Variants in ZNF667 observed in about 807,000 individuals in gnomAD.
ZNF667 encodes the protein myocardial ischemic preconditioning upregulated 1 ortholog.
Under a neutral mutation model 31.8 loss-of-function variants are expected in ZNF667, and 13 were observed. The ratio of observed to expected loss-of-function variants is 0.41; its 90% CI spans 0.27 to 0.65. ZNF667 has a LOEUF of 0.65. Ranked by LOEUF, ZNF667 falls within the 30% of genes least tolerant of loss-of-function variation. ZNF667 has a pLI of 0.32. For missense variants in ZNF667, 642 were observed against 725.6 expected, an observed-to-expected ratio of 0.88 and a Z score of 1.32; for synonymous variants, 228 against 247.1, an observed-to-expected ratio of 0.92 and a Z score of 0.73.
At chr19:56,465,284 G>A (rs1454983197) in intron 3 of ZNF667, among the ~76,000 whole-genome samples, 1 of 152,322 alleles carries the variant, frequency 6.6e-6, no homozygotes, top group Admixed American at 6.5e-5. Context: ...TCCCCGTAGG[G>A]GTGGAGGTAG....
chr19:56,454,108 C>T (rs947009864), intron 6 of ZNF667, among the ~76,000 whole-genome samples: 11 of 152,114 alleles, frequency 7.2e-5, no homozygotes, highest in Middle Eastern at 3.4e-3. Context: ...AAATAAAATA[C>T]CTAGGAATAA....
chr19:56,442,603 A>G lies in ZNF667; in HGVS notation c.392T>C (p.Leu131Pro). The stretch of plus-strand genomic sequence containing the variant: ...TGAATGCCCTTTCTTAGGTTTTACT[A>G]GGACTGAATTTTTGTTGCAGCCACT... ...RKSGCNKNSV[L>P]VKPKKGHSGK... is the part of the protein sequence containing the mutation. Residue 131 changes from leucine (L) to proline (P), a missense_variant, in exon 7 of 7, where the codon CTA (leucine) becomes CCA (proline). Coordinates refer to ENST00000504904, the MANE Select transcript of ZNF667 (RefSeq NM_001321356.2). 6.2e-7 allele frequency: 1 copy of G among 1,614,074 alleles called. No homozygotes were observed. The highest frequency in any genetic ancestry group is 1.3e-5 in the African/African-American group (1 of 75,048).
Position 56,442,234 on chromosome 19 carries a change from T to C in ZNF667, c.761A>G (p.Gln254Arg). ...QKIHVVGNVCQCRKCGKAFNQ... is the reference protein window; with the variant it reads ...QKIHVVGNVCRCRKCGKAFNQ... The stretch of plus-strand genomic sequence containing the variant: ...GAAGGCTTTTCCGCACTTTCTGCAC[T>C]GGCAGACATTCCCAACAACATGAAT... The change falls in exon 7 of 7, where the codon CAG becomes CGG. Residue 254 changes from glutamine to arginine, a missense_variant. Physicochemically the swap from Gln to Arg is conservative, Grantham distance 43. Transcript: ENST00000504904. 4 of 1,614,198 alleles carry C rather than the reference T, an allele frequency of 2.5e-6. No homozygotes were observed. The highest frequency in any genetic ancestry group is 1.1e-5 in the South Asian group (1 of 91,082).
intron 6 of ZNF667, among the ~76,000 whole-genome samples, chr19:56,454,150 A>T (rs2042888117): frequency 6.6e-6 from 1 of 152,140 alleles, no homozygotes; most frequent in Non-Finnish European, 1.5e-5. Flanking sequence ...TACAATGAAA[A>T]CTACAAAACC....
chr19:56,465,947 C>A (rs1600449200), intron 3 of ZNF667, among the ~76,000 whole-genome samples: 1 of 152,224 alleles, frequency 6.6e-6, no homozygotes, highest in East Asian at 1.9e-4. Flanking sequence ...TTATGTTGAA[C>A]CCCTGCTTTC....
chr19:56,443,773 A>G (rs535083929), intron 6 of ZNF667, among the ~76,000 whole-genome samples: 58 of 152,332 alleles, frequency 3.8e-4, no homozygotes, highest in South Asian at 6.2e-4. Context: ...TTAGACTAAA[A>G]GAAGGAATCT....
chr19:56,457,882 AATGAG>A (rs1240220708), intron 6 of ZNF667, among the ~76,000 whole-genome samples: 4 of 152,194 alleles, frequency 2.6e-5, no homozygotes, highest in Admixed American at 2.6e-4. Context: ...AGCCCTCATG[AATGAG>A]ATATCATCTA....
At chr19:56,470,627 C>T (rs893650898) in intron 3 of ZNF667, among the ~76,000 whole-genome samples, 3 of 152,116 alleles carry the variant, frequency 2.0e-5, no homozygotes, top group African/African-American at 7.2e-5. Context: ...CGGGAGGCAT[C>T]GGTGTGGTGA....
At chr19:56,472,364 C>T (rs181618155) in intron 2 of ZNF667, 177 bp from the exon 3 acceptor site, 48 of 152,334 alleles carry the variant, frequency 3.2e-4, no homozygotes, top group African/African-American at 1.2e-3. Context: ...TCTTCGGTAA[C>T]TGGAACATGG....
chr19:56,457,712 C>A (rs2042962869), intron 6 of ZNF667, among the ~76,000 whole-genome samples: 1 of 152,132 alleles, frequency 6.6e-6, no homozygotes, highest in African/African-American at 2.4e-5. Context: ...AAGAGATTGC[C>A]CCCTCACAAT....
At chr19:56,460,918 G>T (rs1023842132) in intron 4 of ZNF667, 103 bp from the exon 5 acceptor site, 2 of 1,238,244 alleles carry the variant, frequency 1.6e-6, no homozygotes, top group Non-Finnish European at 2.1e-6. Flanking sequence ...AAGGTACCAA[G>T]AATCATTCAG....
chr19:56,447,860 G>A (rs946861429), intron 6 of ZNF667, among the ~76,000 whole-genome samples: 3 of 152,140 alleles, frequency 2.0e-5, no homozygotes, highest in Non-Finnish European at 4.4e-5. Flanking sequence ...CAGCCTAGGT[G>A]ACAGAGGGAG....
At chr19:56,467,501 G>A (rs1380269609) in intron 3 of ZNF667, among the ~76,000 whole-genome samples, 1 of 152,154 alleles carries the variant, frequency 6.6e-6, no homozygotes. Context: ...CCAGCTGGGT[G>A]TCCTCCAACT....
chr19:56,466,276 C>G (rs2043157581), intron 3 of ZNF667, among the ~76,000 whole-genome samples: 1 of 152,112 alleles, frequency 6.6e-6, no homozygotes, highest in Non-Finnish European at 1.5e-5. Flanking sequence ...GGGAGGCCCT[C>G]GAGAATGCTG....
At chr19:56,460,546 G>A (rs994950946) in intron 5 of ZNF667, 143 bp downstream of exon 5, 2 of 857,782 alleles carry the variant, frequency 2.3e-6, no homozygotes, top group Non-Finnish European at 3.3e-6. Context: ...TTTTATGGGT[G>A]AATTGTATAG....
At position 56,441,742 on chromosome 19, in the gene ZNF667, T is replaced by G. The variant is rs1160480451; in HGVS notation, c.1253A>C (p.Lys418Thr). The G allele has an allele frequency of 6.2e-7, 1 of 1,614,198 alleles. No individual in the cohort carries two copies. Among genetic ancestry groups the G allele is most frequent in the Admixed American group, 1.7e-5 (1 of 60,020 alleles). The change falls in exon 7 of 7, where the codon AAG becomes ACG. Residue 418 changes from lysine to threonine, a missense_variant. By Grantham distance (78) the Lys-to-Thr change is moderately conservative (BLOSUM62 -1). Coordinates refer to ENST00000504904, the MANE Select transcript of ZNF667 (RefSeq NM_001321356.2). The surrounding 1 kb of genome is among the most constrained non-coding windows in gnomAD (Gnocchi z 4.2). ...TCCAGAAAACATCTTCCCACATTCC[T>G]TACACTCAAATAGTTTCTTTTTCTT... ...HTKKKKLFEC[K>T]ECGKMFSGTA... is the part of the protein sequence containing the mutation.
intron 6 of ZNF667, among the ~76,000 whole-genome samples, chr19:56,455,705 C>T (rs2147750415): frequency 6.6e-6 from 1 of 152,210 alleles, no homozygotes; most frequent in Admixed American, 6.5e-5. Flanking sequence ...TATTTGATAG[C>T]ACAACTGGGT....
chr19:56,459,205 C>T (rs1003519017), intron 5 of ZNF667, among the ~76,000 whole-genome samples: 1 of 152,120 alleles, frequency 6.6e-6, no homozygotes, highest in African/African-American at 2.4e-5. Flanking sequence ...TAAATTATAG[C>T]CAGTAGAGTT....
chr19:56,443,534 T>C (rs2042661843), intron 6 of ZNF667, among the ~76,000 whole-genome samples: 1 of 152,198 alleles, frequency 6.6e-6, no homozygotes, highest in Non-Finnish European at 1.5e-5. Context: ...TTGAATCCTG[T>C]AGGCAATTTT....
Sources: allele counts gnomAD v4.1 joint callset (sites outside exome capture counted in the v4.1 genomes callset), GRCh38; gene constraint gnomAD v4.1.1; non-coding constraint Gnocchi (gnomAD v3.1); transcripts MANE v1.5; gene names NCBI Gene and HGNC (gene_info 2026-07-23, HGNC 2026-07-21).